Variants in MAD1L1 observed in about 807,000 individuals in gnomAD.
The protein encoded by MAD1L1 is mitotic spindle assembly checkpoint protein MAD1.
Under a neutral mutation model 96.9 loss-of-function variants are expected in MAD1L1, and 95 were observed. The ratio of observed to expected loss-of-function variants is 0.98; its 90% CI spans 0.83 to 1.16. MAD1L1 has a LOEUF of 1.16. Ranked by LOEUF, MAD1L1 falls within the 50% of genes most tolerant of loss-of-function variation. The pLI, the probability that MAD1L1 is intolerant of heterozygous loss-of-function variation, is 0.00. For synonymous variants in MAD1L1, 473 were observed against 396.6 expected, an observed-to-expected ratio of 1.19 and a Z score of -2.29; for missense variants, 1,007 against 954.4, an observed-to-expected ratio of 1.06 and a Z score of -0.73.
chr7:1,939,161 AC>A (rs1195340321), intron 16 of MAD1L1, among the ~76,000 whole-genome samples: 1 of 138,864 alleles, frequency 7.2e-6, no homozygotes, highest in East Asian at 2.4e-4. Flanking sequence ...AGGCGCACAC[AC>A]ACATACGGGC....
At chr7:2,022,575 C>T (rs1291334887) in intron 12 of MAD1L1, among the ~76,000 whole-genome samples, 1 of 151,616 alleles carries the variant, frequency 6.6e-6, no homozygotes, top group Non-Finnish European at 1.5e-5. Flanking sequence ...AAATTCTGTG[C>T]TAACAGAATT....
At chr7:2,051,421 G>A (rs1379782361) in intron 12 of MAD1L1, among the ~76,000 whole-genome samples, 1 of 152,330 alleles carries the variant, frequency 6.6e-6, no homozygotes, top group East Asian at 1.9e-4. Flanking sequence ...GGACAGAAGG[G>A]GCTCCTGGGA....
chr7:2,091,468 T>C (rs1463862948), intron 11 of MAD1L1, among the ~76,000 whole-genome samples: 1 of 152,164 alleles, frequency 6.6e-6, no homozygotes, highest in Non-Finnish European at 1.5e-5. Flanking sequence ...TTTTCTCACT[T>C]AGAAAAATAC....
chr7:1,906,275 C>T (rs572716315), intron 17 of MAD1L1, among the ~76,000 whole-genome samples: 2 of 152,180 alleles, frequency 1.3e-5, no homozygotes, highest in Admixed American at 6.5e-5. Context: ...TATGCCAACA[C>T]CGCTCCTGCT....
intron 11 of MAD1L1, among the ~76,000 whole-genome samples, chr7:2,141,378 G>A (rs1040710983): frequency 6.6e-6 from 1 of 152,230 alleles, no homozygotes; most frequent in African/African-American, 2.4e-5. Context: ...GGAGAGATGG[G>A]GCTCGATCTC....
At chr7:2,155,873 G>C (rs552001085) in intron 10 of MAD1L1, among the ~76,000 whole-genome samples, 1 of 152,236 alleles carries the variant, frequency 6.6e-6, no homozygotes, top group Admixed American at 6.5e-5. Flanking sequence ...AACCACCACA[G>C]GCTGTTTTCC....
chr7:1,894,202 G>T (rs1786724064), intron 18 of MAD1L1, among the ~76,000 whole-genome samples: 1 of 152,222 alleles, frequency 6.6e-6, no homozygotes, highest in South Asian at 2.1e-4. Flanking sequence ...CAGAAGACTT[G>T]GCAGCTCTAG....
At chr7:1,931,189 C>T (rs1789456169) in intron 17 of MAD1L1, among the ~76,000 whole-genome samples, 1 of 113,344 alleles carries the variant, frequency 8.8e-6, no homozygotes, top group East Asian at 2.5e-4. Flanking sequence ...GAGGGCGCGT[C>T]GTGGGGTCCA....
intron 13 of MAD1L1, among the ~76,000 whole-genome samples, chr7:2,011,298 G>A (rs1296498874): frequency 6.6e-6 from 1 of 152,066 alleles, no homozygotes; most frequent in Non-Finnish European, 1.5e-5. Context: ...GTGCACAGAG[G>A]GTGCAGCCAC....
rs1368441604 is a variant in MAD1L1 at position 2,142,566 on chromosome 7, A to C, written c.1073+6586T>G. On this transcript the variant is annotated intron_variant, in intron 11 of 18. Coordinates refer to ENST00000265854, the MANE Select transcript of MAD1L1 (RefSeq NM_001013836.2). The surrounding 1 kb of genome is among the most constrained non-coding windows in gnomAD (Gnocchi z 4.7). The stretch of plus-strand genomic sequence containing the variant: ...AGCCCACGGTGAAGGGCACGGTGCC[A>C]CCCAGAGCTCCTGGCGCGTGCCCTG... Among the ~76,000 whole-genome samples the C allele has an allele frequency of 6.6e-6, 1 of 152,204 alleles. No homozygotes were observed. The highest frequency in any genetic ancestry group is 1.5e-5 in the Non-Finnish European group (1 of 68,034).
At chr7:1,955,292 G>A (rs1779676556) in intron 16 of MAD1L1, among the ~76,000 whole-genome samples, 1 of 152,202 alleles carries the variant, frequency 6.6e-6, no homozygotes, top group Non-Finnish European at 1.5e-5. Flanking sequence ...CATAGTGGGT[G>A]CAGGGGCGGC....
rs1787041693 is a variant in MAD1L1 at position 2,105,490 on chromosome 7, G to C, written c.1074-36152C>G. Among the ~76,000 whole-genome samples the C allele has an allele frequency of 2.0e-5, 3 of 152,108 alleles. No individual in the cohort carries two copies. The South Asian group carries it at 6.2e-4, about 31-fold the overall frequency. On this transcript the variant is annotated intron_variant, in intron 11 of 18. Coordinates refer to ENST00000265854, the MANE Select transcript of MAD1L1 (RefSeq NM_001013836.2). ...GCGCTGGGGCAAGGCAGGGAGCGTG[G>C]ATCATCACCCGAGGCATTCATAAAG...
chr7:1,856,684 C>T (rs973958011), intron 18 of MAD1L1, among the ~76,000 whole-genome samples: 3 of 150,854 alleles, frequency 2.0e-5, no homozygotes, highest in Non-Finnish European at 2.9e-5. Context: ...GGCACAGCCC[C>T]GAAGATGGCA....
intron 10 of MAD1L1, among the ~76,000 whole-genome samples, chr7:2,154,872 G>A (rs1231630493): frequency 6.6e-6 from 1 of 152,186 alleles, no homozygotes; most frequent in Non-Finnish European, 1.5e-5. Context: ...GAACTCTACA[G>A]GAAGCATTCC....
Position 2,198,445 on chromosome 7 carries a change from G to A in MAD1L1, c.986+14767C>T, listed in dbSNP as rs1162828213. Reference sequence around the variant, plus strand: ...AAACCACTGCCTGAGCACCTGGCCTGCTCTAAGCCCAGGGCTGAGACAAGG... The same window carrying A: ...AAACCACTGCCTGAGCACCTGGCCTACTCTAAGCCCAGGGCTGAGACAAGG... On this transcript the variant is annotated intron_variant, in intron 10 of 18. Coordinates refer to ENST00000265854, the MANE Select transcript of MAD1L1 (RefSeq NM_001013836.2). Among the ~76,000 whole-genome samples, 2 of 152,220 alleles carry A rather than the reference G, an allele frequency of 1.3e-5. 1 individual carries two copies. The highest frequency in any genetic ancestry group is 4.8e-5 in the African/African-American group (2 of 41,464).
At chr7:2,069,118 T>C in intron 12 of MAD1L1, 76 bp downstream of exon 12, 1 of 1,438,486 alleles carries the variant, frequency 7.0e-7, no homozygotes, top group Non-Finnish European at 9.2e-7. Flanking sequence ...GCCTCCACAG[T>C]GAGATCCAGC....
chr7:2,032,994 G>C (rs1244145129), intron 12 of MAD1L1, among the ~76,000 whole-genome samples: 1 of 152,250 alleles, frequency 6.6e-6, no homozygotes, highest in South Asian at 2.1e-4. Flanking sequence ...CAGCCCACTG[G>C]TATCACGTGT....
chr7:2,152,457 A>C (rs1618820), intron 10 of MAD1L1, among the ~76,000 whole-genome samples: 3 of 152,174 alleles, frequency 2.0e-5, no homozygotes, highest in Admixed American at 2.0e-4. Context: ...ACCAAGCCTC[A>C]CGAGCCCTGT....
chr7:2,110,900 G>A (rs781769587), intron 11 of MAD1L1, among the ~76,000 whole-genome samples: 8 of 152,074 alleles, frequency 5.3e-5, no homozygotes, highest in Non-Finnish European at 8.8e-5. Context: ...CAGCAGAGCC[G>A]AGGAGATGAC....
Sources: gnomAD v4.1 joint callset for allele counts (sites outside exome capture counted in the v4.1 genomes callset) on GRCh38, gnomAD v4.1.1 for gene constraint, Gnocchi (gnomAD v3.1) non-coding constraint, MANE v1.5 for transcripts, NCBI Gene and HGNC (gene_info 2026-07-23, HGNC 2026-07-21) for gene names.